Variants in SOX5 observed in about 807,000 individuals in gnomAD.
SOX5 encodes SRY-box transcription factor 5, also known as transcription factor SOX-5.
A neutral mutation model predicts 92.0 loss-of-function variants in SOX5; 9 were observed. That is an observed-to-expected ratio of 0.10 (90% CI 0.06 to 0.17). The LOEUF (loss-of-function observed/expected upper bound fraction) is 0.17. Ranked by LOEUF, SOX5 falls within the 10% of genes least tolerant of loss-of-function variation. The pLI is 1.00. For synonymous variants in SOX5, 344 were observed against 336.3 expected (o/e 1.02, Z -0.25); for missense variants, 642 against 944.5 (o/e 0.68, Z 4.20).
intron 1 of SOX5, among the ~76,000 whole-genome samples, chr12:24,405,348 T>C (rs1962678340): frequency 6.6e-6 from 1 of 152,166 alleles, no homozygotes; most frequent in African/African-American, 2.4e-5. Context: ...CTTGCTTCTT[T>C]CTCCAGTCAG....
chr12:23,888,740 G>A (rs948642376), intron 2 of SOX5, among the ~76,000 whole-genome samples: 2 of 152,040 alleles, frequency 1.3e-5, no homozygotes, highest in African/African-American at 4.8e-5. Context: ...ACACAAGCCT[G>A]GGATTATATC....
At chr12:24,354,144 G>C (rs1954489415) in intron 2 of SOX5, among the ~76,000 whole-genome samples, 1 of 152,232 alleles carries the variant, frequency 6.6e-6, no homozygotes. Context: ...TGCAAGGTAT[G>C]AGAGCATACA....
rs1223534190 is a variant in SOX5 at position 24,210,191 on chromosome 12, T to TTA, written c.-2+3151_-2+3152insTA. 3.9e-5 allele frequency among the ~76,000 whole-genome samples: 6 copies of TTA among 152,298 alleles called. No homozygotes were observed. The East Asian group carries it at 1.2e-3, about 29-fold the overall frequency. ...TTGTATTATAAATGGTTACTTCTAA[T>TTA]GTAAGTAACTCTTTATTCACCCATT... On this transcript the variant is annotated intron_variant, in intron 4 of 4. Transcript: ENST00000446891.
chr12:23,543,471 T>C, intron 12 of SOX5, 87 bp from the exon 13 acceptor site: 5 of 1,005,752 alleles, frequency 5.0e-6, no homozygotes, highest in Non-Finnish European at 7.4e-6. Flanking sequence ...TCTATTAAGA[T>C]ATCTGAAAAG....
At chr12:24,476,526 A>G (rs1348762478) in intron 1 of SOX5, among the ~76,000 whole-genome samples, 2 of 152,168 alleles carry the variant, frequency 1.3e-5, no homozygotes, top group African/African-American at 4.8e-5. Flanking sequence ...AAACTGTCCA[A>G]CAGTAGAAAT....
intron 6 of SOX5, among the ~76,000 whole-genome samples, chr12:23,683,425 G>T (rs1456792368): frequency 1.3e-5 from 2 of 151,802 alleles, no homozygotes; most frequent in Non-Finnish European, 3.0e-5. Flanking sequence ...TAACTGATCT[G>T]GAAAAATGTC....
At chr12:24,383,099 T>C (rs1957999733) in intron 1 of SOX5, among the ~76,000 whole-genome samples, 1 of 152,162 alleles carries the variant, frequency 6.6e-6, no homozygotes, top group Non-Finnish European at 1.5e-5. Context: ...TTGTGATTGA[T>C]TGAGAATGCG....
chr12:23,583,381 A>G (rs1164666412), intron 9 of SOX5, among the ~76,000 whole-genome samples: 1 of 152,170 alleles, frequency 6.6e-6, no homozygotes, highest in Non-Finnish European at 1.5e-5. Flanking sequence ...CCACTCATAG[A>G]AATTCCACAG....
chr12:23,701,084 C>G (rs2090567862), intron 6 of SOX5, among the ~76,000 whole-genome samples: 2 of 151,876 alleles, frequency 1.3e-5, no homozygotes, highest in African/African-American at 2.4e-5. Flanking sequence ...GTAATTTCAT[C>G]CTGAACCAAT....
At chr12:23,844,471 A>G (rs1201814730) in intron 3 of SOX5, among the ~76,000 whole-genome samples, 2 of 152,206 alleles carry the variant, frequency 1.3e-5, no homozygotes, top group Non-Finnish European at 2.9e-5. Flanking sequence ...CATTATAAGA[A>G]AATAAAAATC....
intron 1 of SOX5, among the ~76,000 whole-genome samples, chr12:24,418,678 T>G (rs957275303): frequency 6.6e-6 from 1 of 152,244 alleles, no homozygotes; most frequent in African/African-American, 2.4e-5. Flanking sequence ...CTGCCCCATC[T>G]TTAATGTCTG....
intron 1 of SOX5, among the ~76,000 whole-genome samples, chr12:24,426,754 T>C (rs1966819395): frequency 1.3e-5 from 2 of 152,202 alleles, no homozygotes; most frequent in South Asian, 4.1e-4. Context: ...CAAGGGTGAC[T>C]GCAAACAAGT....
intron 1 of SOX5, among the ~76,000 whole-genome samples, chr12:24,448,637 A>C (rs776410365): frequency 6.6e-6 from 1 of 152,166 alleles, no homozygotes; most frequent in Non-Finnish European, 1.5e-5. Flanking sequence ...CTGTTGCACT[A>C]TGGTATTTCT....
At chr12:24,527,783 C>T (rs1950845188) in intron 1 of SOX5, among the ~76,000 whole-genome samples, 1 of 152,150 alleles carries the variant, frequency 6.6e-6, no homozygotes, top group Admixed American at 6.5e-5. Flanking sequence ...ATAGCACTAG[C>T]TAGTTTGTCA....
upstream of SOX5, among the ~76,000 whole-genome samples, chr12:23,955,614 T>A (rs1490604861): frequency 6.6e-6 from 1 of 152,162 alleles, no homozygotes; most frequent in Non-Finnish European, 1.5e-5. Context: ...TTTCAATTTA[T>A]TTTTTTACTC....
chr12:23,692,029 A>G (rs1376683833), intron 6 of SOX5, among the ~76,000 whole-genome samples: 1 of 152,196 alleles, frequency 6.6e-6, no homozygotes, highest in African/African-American at 2.4e-5. Flanking sequence ...TTTCAGCAAT[A>G]TACCAAAATT....
Position 24,393,963 on chromosome 12 carries a change from T to C in SOX5, c.-250-25324A>G, listed in dbSNP as rs1178287889. Among the ~76,000 whole-genome samples the C allele has an allele frequency of 6.6e-6, 1 of 151,974 alleles. No homozygotes were observed. Among genetic ancestry groups the C allele is most frequent in the Non-Finnish European group, 1.5e-5 (1 of 67,972 alleles). ...TTAAAATACCCTGCGTGGGGAAAAA[T>C]AAAACCGTGAGTGGCTGAAGAACAC... On this transcript the variant is annotated intron_variant, in intron 1 of 4. Transcript: ENST00000446891. The surrounding 1 kb of genome is among the most constrained non-coding windows in gnomAD (Gnocchi z 5.0).
chr12:24,465,093 C>A (rs1453243101), intron 1 of SOX5, among the ~76,000 whole-genome samples: 3 of 152,172 alleles, frequency 2.0e-5, no homozygotes, highest in Non-Finnish European at 4.4e-5. Context: ...GTGTGAAGGG[C>A]TTTATCTCTC....
chr12:23,648,050 T>C (rs78118858), intron 7 of SOX5, among the ~76,000 whole-genome samples: 2 of 152,192 alleles, frequency 1.3e-5, no homozygotes, highest in East Asian at 3.8e-4. Context: ...CTAGCTCACA[T>C]TTTTTAAGTT....
Sources: gnomAD v4.1 joint callset for allele counts (sites outside exome capture counted in the v4.1 genomes callset) on GRCh38, gnomAD v4.1.1 for gene constraint, Gnocchi (gnomAD v3.1) non-coding constraint, MANE v1.5 for transcripts, NCBI Gene and HGNC (gene_info 2026-07-23, HGNC 2026-07-21) for gene names.